Variants in DEFB131B observed in about 807,000 individuals in gnomAD.
DEFB131B encodes beta-defensin 131B.
A neutral mutation model predicts 2.1 loss-of-function variants in DEFB131B; 2 were observed. That is an observed-to-expected ratio of 0.94 (90% CI 0.38 to 2.95). DEFB131B has a LOEUF of 2.95. Among genes scored for constraint, DEFB131B ranks in the 30% most tolerant of loss-of-function variants. DEFB131B has a pLI of 0.09. For synonymous variants in DEFB131B, 26 were observed against 25.8 expected (o/e 1.01, Z -0.03); for missense variants, 77 against 78.5 (o/e 0.98, Z 0.07).
intron 1 of DEFB131B, among the ~76,000 whole-genome samples, chr11:71,884,019 G>A (rs149785427): frequency 6.6e-6 from 1 of 152,144 alleles, no homozygotes; most frequent in Non-Finnish European, 1.5e-5. Context: ...TGTGATTCAA[G>A]GCCAACCCCT....
At position 71,879,499 on chromosome 11, in the gene DEFB131B, C is replaced by A. The variant is rs1206430378; in HGVS notation, c.58+989C>A. The stretch of plus-strand genomic sequence containing the variant: ...TTCTGAAGCACATTTTAATACTTCA[C>A]AATTCAAGATTCCCTCATTTATATA... On this transcript the variant is annotated intron_variant, in intron 1 of 1. Coordinates refer to ENST00000530210, the MANE Select transcript of DEFB131B (RefSeq NM_001242853.1). Among the ~76,000 whole-genome samples the A allele has an allele frequency of 3.3e-5, 5 of 152,308 alleles. No homozygotes were observed. In the East Asian group the frequency reaches 7.7e-4, roughly 23 times the overall value.
At chr11:71,881,014 G>A (rs1380756114) in intron 1 of DEFB131B, among the ~76,000 whole-genome samples, 1 of 152,190 alleles carries the variant, frequency 6.6e-6, no homozygotes, top group Non-Finnish European at 1.5e-5. Context: ...TTGTGTAAAT[G>A]TCTGTTAAGT....
chr11:71,879,237 A>G (rs1952545058), intron 1 of DEFB131B, among the ~76,000 whole-genome samples: 1 of 152,186 alleles, frequency 6.6e-6, no homozygotes, highest in South Asian at 2.1e-4. Context: ...TTAAAGTTGA[A>G]TAAAACTCAT....
intron 1 of DEFB131B, among the ~76,000 whole-genome samples, chr11:71,882,478 G>A (rs1454058603): frequency 5.9e-5 from 9 of 152,148 alleles, no homozygotes; most frequent in Admixed American, 1.3e-4. Context: ...TGATCTGCCC[G>A]CCTTGGCCTC....
chr11:71,880,672 T>C (rs1952554984), intron 1 of DEFB131B, among the ~76,000 whole-genome samples: 1 of 152,220 alleles, frequency 6.6e-6, no homozygotes. Context: ...CTCTTAGCAC[T>C]GTCTTTGTTG....
chr11:71,883,211 A>G (rs1952586103), intron 1 of DEFB131B, among the ~76,000 whole-genome samples: 2 of 152,186 alleles, frequency 1.3e-5, no homozygotes, highest in Admixed American at 1.3e-4. Context: ...TCAAAATCCT[A>G]ATGGCACTCT....
At chr11:71,882,045 T>C (rs1236251125) in intron 1 of DEFB131B, among the ~76,000 whole-genome samples, 1 of 151,818 alleles carries the variant, frequency 6.6e-6, no homozygotes, top group Non-Finnish European at 1.5e-5. Flanking sequence ...AATTTAAACA[T>C]AGGCATATTA....
intron 1 of DEFB131B, among the ~76,000 whole-genome samples, chr11:71,879,494 C>G (rs1268227338): frequency 6.6e-6 from 1 of 152,178 alleles, no homozygotes; most frequent in Non-Finnish European, 1.5e-5. Flanking sequence ...CATTTTAATA[C>G]TTCACAATTC....
At chr11:71,881,526 A>G (rs991015948) in intron 1 of DEFB131B, among the ~76,000 whole-genome samples, 1 of 151,936 alleles carries the variant, frequency 6.6e-6, no homozygotes, top group Non-Finnish European at 1.5e-5. Flanking sequence ...CTCTTATGGC[A>G]TTTTTTTGTG....
At chr11:71,882,757 A>G (rs1952579365) in intron 1 of DEFB131B, among the ~76,000 whole-genome samples, 1 of 152,238 alleles carries the variant, frequency 6.6e-6, no homozygotes, top group Non-Finnish European at 1.5e-5. Context: ...ACAATTAGGC[A>G]AGAAAAGGAA....
chr11:71,882,443 C>A (rs1952574182), intron 1 of DEFB131B, among the ~76,000 whole-genome samples: 1 of 152,268 alleles, frequency 6.6e-6, no homozygotes, highest in South Asian at 2.1e-4. Context: ...TTTGGCCAGG[C>A]TGGTCTTGAA....
At position 71,884,035 on chromosome 11, in the gene DEFB131B, T is replaced by C. The variant is rs139831461; in HGVS notation, c.59-372T>C. On this transcript the variant is annotated intron_variant, in intron 1 of 1. Transcript: ENST00000530210. ...GTGATTCAAGGCCAACCCCTCCACT[T>C]ACACTAGATTCCATCCCCAATGACT... 3.6e-3 allele frequency among the ~76,000 whole-genome samples: 553 copies of C among 152,328 alleles called. 6 individuals carry two copies. The highest frequency in any genetic ancestry group is 0.012 in the African/African-American group (488 of 41,590).
chr11:71,878,549 A>G lies in DEFB131B; in HGVS notation c.58+39A>G, dbSNP rs765098183. 10 of 1,594,066 alleles carry G rather than the reference A, an allele frequency of 6.3e-6. No individual in the cohort carries two copies. The African/African-American group carries it at 8.1e-5, about 13-fold the overall frequency. On this transcript the variant is annotated intron_variant, in intron 1 of 1. Transcript: ENST00000530210. The stretch of plus-strand genomic sequence containing the variant: ...TTTTTTATTCCAAAGTTCTAAAAAT[A>G]TAAGTAAAAGAAAATGCAAGGTCTT...
At chr11:71,880,001 A>G (rs1246727862) in intron 1 of DEFB131B, among the ~76,000 whole-genome samples, 1 of 152,196 alleles carries the variant, frequency 6.6e-6, no homozygotes, top group Non-Finnish European at 1.5e-5. Flanking sequence ...CTCTAAAGGA[A>G]TGAATTTTAT....
chr11:71,882,567 T>C (rs1291628280), intron 1 of DEFB131B, among the ~76,000 whole-genome samples: 1 of 152,208 alleles, frequency 6.6e-6, no homozygotes, highest in African/African-American at 2.4e-5. Context: ...ATAATTTTCT[T>C]AGGTAACCAA....
rs1237918272 is a variant in DEFB131B, at chr11:71,884,167, G to C, written c.59-240G>C. The C allele has an allele frequency of 1.1e-5, 4 of 355,372 alleles. No individual in the cohort carries two copies. In the East Asian group the frequency reaches 1.9e-4, roughly 17 times the overall value. The allele number at this position is 355,372 out of a possible 1,614,324, so 22.0% of individuals were successfully genotyped here. A position where few individuals can be genotyped will look rare whatever the true frequency, so the allele number is the denominator to read the frequency against. On this transcript the variant is annotated intron_variant, in intron 1 of 1. Transcript: ENST00000530210. ...TTTTAGGTAGAAATATGTGGTAATA[G>C]TTCTCATTTAAAATTCTGTACATTT...
At chr11:71,879,541 G>T (rs1451392387) in intron 1 of DEFB131B, among the ~76,000 whole-genome samples, 1 of 152,056 alleles carries the variant, frequency 6.6e-6, no homozygotes, top group African/African-American at 2.4e-5. Flanking sequence ...CATGATTCAA[G>T]ATTCCCTTAT....
intron 1 of DEFB131B, 129 bp from the exon 2 acceptor site, chr11:71,884,277 TC>T: frequency 9.0e-7 from 1 of 1,114,372 alleles, no homozygotes; most frequent in Non-Finnish European, 1.2e-6. Flanking sequence ...TCTCTTGCAT[TC>T]TTTTGCTGTT....
At chr11:71,881,420 G>C (rs1008462912) in intron 1 of DEFB131B, among the ~76,000 whole-genome samples, 7 of 152,150 alleles carry the variant, frequency 4.6e-5, no homozygotes, top group Non-Finnish European at 1.0e-4. Context: ...TTTTCTCACA[G>C]TTCTGGAAGT....
Sources: gnomAD v4.1 joint callset for allele counts (sites outside exome capture counted in the v4.1 genomes callset) on GRCh38, gnomAD v4.1.1 for gene constraint, MANE v1.5 for transcripts, NCBI Gene and HGNC (gene_info 2026-07-23, HGNC 2026-07-21) for gene names.